The following BTBD8 variants were observed in gnomAD, a reference collection of about 807,000 sequenced individuals.
BTBD8 encodes BTB/POZ domain-containing protein 8.
In BTBD8, 110 loss-of-function variants were observed where a neutral mutation model predicts 162.9. That is an observed-to-expected ratio of 0.68 (90% CI 0.58 to 0.79). The LOEUF (loss-of-function observed/expected upper bound fraction) is 0.79, where lower values mean the gene tolerates loss of function less well. BTBD8 is among the 30% of genes least tolerant of loss of function. The pLI is 0.00. For missense variants in BTBD8, 1,905 were observed against 2,085.4 expected, an observed-to-expected ratio of 0.91 and a Z score of 1.68; for synonymous variants, 667 against 716.1, an observed-to-expected ratio of 0.93 and a Z score of 1.10.
intron 4 of BTBD8, among the ~76,000 whole-genome samples, chr1:92,123,827 G>A (rs1233775751): frequency 6.7e-6 from 1 of 148,964 alleles, no homozygotes; most frequent in African/African-American, 2.5e-5. Flanking sequence ...TGACACTCAA[G>A]GTGATATTTT....
intron 3 of BTBD8, among the ~76,000 whole-genome samples, chr1:92,103,286 ATTAC>A (rs551488983): frequency 6.6e-4 from 101 of 152,242 alleles, no homozygotes; most frequent in Non-Finnish European, 1.3e-3. Context: ...ACCAACAACA[ATTAC>A]TTACGTGATT....
chr1:92,140,141 G>A (rs1181998298), intron 6 of BTBD8, among the ~76,000 whole-genome samples: 1 of 149,608 alleles, frequency 6.7e-6, no homozygotes, highest in East Asian at 2.0e-4. Context: ...TAGGGCATTT[G>A]CCAGGCGTGA....
intron 9 of BTBD8, among the ~76,000 whole-genome samples, chr1:92,163,356 A>G (rs1467288513): frequency 2.5e-5 from 1 of 39,986 alleles, no homozygotes; most frequent in African/African-American, 1.1e-4. Flanking sequence ...TTCTGTCTCA[A>G]AAAAAAAAAA....
At chr1:92,160,722 C>T (rs1650256444) in intron 9 of BTBD8, among the ~76,000 whole-genome samples, 1 of 152,052 alleles carries the variant, frequency 6.6e-6, no homozygotes, top group African/African-American at 2.4e-5. Context: ...GCTCTTCACT[C>T]TCTACTGAGA....
chr1:92,146,549 C>T (rs572270446), intron 7 of BTBD8, among the ~76,000 whole-genome samples: 1 of 152,264 alleles, frequency 6.6e-6, no homozygotes, highest in African/African-American at 2.4e-5. Context: ...CATGTATCTA[C>T]CATTATAGTA....
intron 9 of BTBD8, among the ~76,000 whole-genome samples, chr1:92,162,800 A>G (rs953048142): frequency 6.6e-6 from 1 of 152,180 alleles, no homozygotes; most frequent in African/African-American, 2.4e-5. Flanking sequence ...CCAGGTTAAG[A>G]GAAGTAGTAT....
In BTBD8 at chr1:92,127,980, A is replaced by G. The variant is rs574628859; in HGVS notation, c.663-1707A>G. ...AATTGGTATAAAAGGCCATCCTGCT[A>G]CAAGTCCTACTTTCCTATCTGGCAT... On this transcript the variant is annotated intron_variant, in intron 4 of 17. Transcript: ENST00000636805. Among the ~76,000 whole-genome samples the G allele has an allele frequency of 2.6e-5, 4 of 152,320 alleles. No individual in the cohort carries two copies. The East Asian group carries it at 5.8e-4, about 22-fold the overall frequency.
chr1:92,112,913 A>G (rs934037291), intron 4 of BTBD8, among the ~76,000 whole-genome samples: 2 of 152,188 alleles, frequency 1.3e-5, no homozygotes, highest in Admixed American at 1.3e-4. Context: ...AATTAGTCCT[A>G]CTAAAATTTC....
At chr1:92,081,740 A>G (rs1017892579) in intron 1 of BTBD8, among the ~76,000 whole-genome samples, 1 of 152,056 alleles carries the variant, frequency 6.6e-6, no homozygotes, top group Non-Finnish European at 1.5e-5. Context: ...CGCCCGGCTA[A>G]TTTTTGTATT....
At chr1:92,164,219 G>C (rs1432293623) in intron 9 of BTBD8, among the ~76,000 whole-genome samples, 1 of 152,188 alleles carries the variant, frequency 6.6e-6, no homozygotes, top group East Asian at 1.9e-4. Flanking sequence ...GGATGCAGTG[G>C]CTCACACTTG....
At chr1:92,081,585 T>G (rs1648014015) in intron 1 of BTBD8, among the ~76,000 whole-genome samples, 1 of 152,200 alleles carries the variant, frequency 6.6e-6, no homozygotes, top group South Asian at 2.1e-4. Context: ...CTACTTTTTT[T>G]TTTTTGGAGA....
chr1:92,167,242 G>A, intron 10 of BTBD8, 102 bp downstream of exon 10: 2 of 1,362,980 alleles, frequency 1.5e-6, no homozygotes, highest in East Asian at 2.5e-5. Flanking sequence ...TTAAATTAAT[G>A]TGATTTAAAT....
rs149544345 is a variant in BTBD8 at position 92,139,355 on chromosome 1, G to A, written c.758G>A (p.Ser253Asn). 5.7e-6 allele frequency: 9 copies of A among 1,575,564 alleles called. No individual in the cohort carries two copies. The highest frequency in any genetic ancestry group is 7.7e-6 in the Non-Finnish European group (9 of 1,169,140). Residue 253 changes from serine (S) to asparagine (N), a missense_variant, in exon 6 of 18, where the codon AGC (serine) becomes AAC (asparagine). This residue lies in a region of BTBD8 where 1,374 missense variants were observed against 1,442.7 expected (regional missense o/e 0.95). Coordinates refer to ENST00000636805, the MANE Select transcript of BTBD8 (RefSeq NM_001376131.1). Reference sequence around the variant, plus strand: ...AGTTTTCTTTTATTTTTCAGTATAAGCCATGTAGAACTGAATGTTATGATG... The same window carrying A: ...AGTTTTCTTTTATTTTTCAGTATAAACCATGTAGAACTGAATGTTATGATG... ...SQEYVTLQGI[S>N]HVELNVMMHF...
At chr1:92,161,441 C>T (rs558754532) in intron 9 of BTBD8, among the ~76,000 whole-genome samples, 1 of 152,226 alleles carries the variant, frequency 6.6e-6, no homozygotes, top group South Asian at 2.1e-4. Flanking sequence ...TAAATTTTTA[C>T]CCTTCTTTGT....
chr1:92,119,287 CTTT>C (rs905843721), intron 4 of BTBD8, among the ~76,000 whole-genome samples: 9 of 132,812 alleles, frequency 6.8e-5, no homozygotes, highest in East Asian at 2.1e-4. Flanking sequence ...TTCTTTTTTT[CTTT>C]TTTTTTTTTT....
intron 4 of BTBD8, among the ~76,000 whole-genome samples, chr1:92,118,753 CAT>C (rs1284387649): frequency 6.7e-6 from 1 of 149,454 alleles, no homozygotes; most frequent in Non-Finnish European, 1.5e-5. Context: ...AGTGTAGACT[CAT>C]AGATACTTAT....
chr1:92,118,803 C>CTTTCT (rs767516943), intron 4 of BTBD8, among the ~76,000 whole-genome samples: 34 of 95,274 alleles, frequency 3.6e-4, no homozygotes, highest in African/African-American at 4.7e-4. Flanking sequence ...TTCTTTCTTT[C>CTTTCT]TTTTTTTTTT....
intron 1 of BTBD8, among the ~76,000 whole-genome samples, chr1:92,082,905 A>G (rs547743612): frequency 2.0e-5 from 3 of 152,310 alleles, no homozygotes; most frequent in Non-Finnish European, 1.5e-5. Flanking sequence ...CTGGGCTTAC[A>G]TGAAATGTTT....
At chr1:92,140,516 T>C (rs1218498483) in intron 6 of BTBD8, among the ~76,000 whole-genome samples, 1 of 152,206 alleles carries the variant, frequency 6.6e-6, no homozygotes, top group Non-Finnish European at 1.5e-5. Flanking sequence ...CAGGAGAACA[T>C]ACCATGAGTC....
Sources: allele counts gnomAD v4.1 joint callset (sites outside exome capture counted in the v4.1 genomes callset), GRCh38; gene constraint gnomAD v4.1.1; regional missense constraint gnomAD v4.1.1; transcripts MANE v1.5; gene names NCBI Gene and HGNC (gene_info 2026-07-23, HGNC 2026-07-21).